MAGI2: variants seen among roughly 807,000 people sequenced by gnomAD.
MAGI2 encodes the protein membrane-associated guanylate kinase, WW and PDZ domain-containing protein 2.
Under a neutral mutation model 133.3 loss-of-function variants are expected in MAGI2, and 35 were observed. The observed-to-expected ratio is 0.26, with a 90% CI of 0.20 to 0.35. MAGI2 has a LOEUF of 0.35. Ranked by LOEUF, MAGI2 falls within the 10% of genes least tolerant of loss-of-function variation. The pLI is 1.00. For missense variants in MAGI2, 1,636 were observed against 1,863.4 expected, an observed-to-expected ratio of 0.88 and a Z score of 2.25; for synonymous variants, 729 against 710.6, an observed-to-expected ratio of 1.03 and a Z score of -0.41.
At chr7:79,027,511 A>G (rs111944408) in intron 1 of MAGI2, among the ~76,000 whole-genome samples, 10,056 of 152,090 alleles carry the variant, frequency 0.066, 363 homozygotes, top group Non-Finnish European at 0.081. Flanking sequence ...TACTGAACTC[A>G]TAGAAGCCAA....
chr7:78,172,320 A>G (rs1050514431), intron 14 of MAGI2, among the ~76,000 whole-genome samples: 1 of 152,156 alleles, frequency 6.6e-6, no homozygotes, highest in African/African-American at 2.4e-5. Flanking sequence ...ACTTGCCACT[A>G]TGGCGAGCAG....
rs148242940 is a variant in MAGI2 at position 78,385,671 on chromosome 7, C to T, written c.1046-16458G>A. Among the ~76,000 whole-genome samples the T allele has an allele frequency of 1.1e-3, 169 of 152,212 alleles. 2 individuals carry two copies. Among genetic ancestry groups the T allele is most frequent in the African/African-American group, 3.6e-3 (149 of 41,528 alleles). On this transcript the variant is annotated intron_variant, in intron 6 of 21. Transcript: ENST00000354212. The stretch of plus-strand genomic sequence containing the variant: ...CCTCTCTAGATTATTTTGGATAATC[C>T]AGGTGGAGATACTGAAATCACAATT...
intron 1 of MAGI2, among the ~76,000 whole-genome samples, chr7:79,359,944 G>T (rs181571912): frequency 9.5e-4 from 144 of 152,198 alleles, no homozygotes; most frequent in African/African-American, 3.3e-3. Context: ...AAATCTGACT[G>T]ATTTTCAAAG....
In MAGI2 at chr7:79,352,947, G is replaced by C. The variant is rs1054571595; in HGVS notation, c.301+100073C>G. ...TCCAGTATGCCAGGATTAGTATTTA[G>C]TATGCCAAGTGCCTTTACGTACTTT... On this transcript the variant is annotated intron_variant, in intron 1 of 21. Transcript: ENST00000354212. Among the ~76,000 whole-genome samples the C allele has an allele frequency of 5.9e-5, 9 of 152,118 alleles. No individual in the cohort carries two copies. In the East Asian group the frequency reaches 1.7e-3, roughly 30 times the overall value.
chr7:78,722,373 T>C (rs1389035510), intron 2 of MAGI2, among the ~76,000 whole-genome samples: 2 of 152,008 alleles, frequency 1.3e-5, no homozygotes, highest in Non-Finnish European at 2.9e-5. Context: ...TATTTCTGCA[T>C]GGGAACATGT....
chr7:78,969,234 G>A (rs1188992142), intron 2 of MAGI2, among the ~76,000 whole-genome samples: 3 of 151,942 alleles, frequency 2.0e-5, no homozygotes, highest in African/African-American at 7.3e-5. Context: ...GTCTTTTCTC[G>A]AGCTGTGTAA....
chr7:78,163,624 C>T (rs1825314847), intron 15 of MAGI2, among the ~76,000 whole-genome samples: 1 of 152,150 alleles, frequency 6.6e-6, no homozygotes, highest in East Asian at 1.9e-4. Flanking sequence ...ACAGTGCTGG[C>T]CTATATTTCA....
chr7:78,844,268 T>G (rs1052400395), intron 2 of MAGI2, among the ~76,000 whole-genome samples: 9 of 151,630 alleles, frequency 5.9e-5, no homozygotes, highest in African/African-American at 2.2e-4. Context: ...CACTTAAAAT[T>G]AGTGTACGAG....
intron 6 of MAGI2, among the ~76,000 whole-genome samples, chr7:78,437,557 G>A (rs981044830): frequency 6.6e-6 from 1 of 152,118 alleles, no homozygotes. Context: ...TTCAGCCTCT[G>A]TGCCCTCATC....
chr7:78,403,039 T>G (rs967374577), intron 6 of MAGI2, among the ~76,000 whole-genome samples: 3 of 152,220 alleles, frequency 2.0e-5, no homozygotes, highest in African/African-American at 7.2e-5. Flanking sequence ...CTGGGATACA[T>G]GTGCACAACG....
intron 2 of MAGI2, among the ~76,000 whole-genome samples, chr7:78,930,679 C>T (rs1353535485): frequency 1.1e-4 from 17 of 152,080 alleles, no homozygotes. Context: ...ATTTGGTATA[C>T]TATCCATTAC....
Position 79,252,151 on chromosome 7 carries a change from T to C in MAGI2, c.301+200869A>G, listed in dbSNP as rs796751779. 4.3e-4 allele frequency among the ~76,000 whole-genome samples: 31 copies of C among 72,466 alleles called. 1 individual carries two copies. The highest frequency in any genetic ancestry group is 1.7e-3 in the African/African-American group (29 of 16,918). The allele number at this position is 72,466 out of a possible 152,430, so 47.5% of individuals were successfully genotyped here. A position where few individuals can be genotyped will look rare whatever the true frequency, so the allele number is the denominator to read the frequency against. On this transcript the variant is annotated intron_variant, in intron 1 of 21. Transcript: ENST00000354212. The stretch of plus-strand genomic sequence containing the variant: ...CAGCCTGTGGGTCAGAATGAGACCC[T>C]GTCTCAAAAAAAAAAAAAAAAAAAA...
At position 78,402,377 on chromosome 7, in the gene MAGI2, GGTGT is replaced by G. The variant is rs756042467; in HGVS notation, c.1046-33168_1046-33165del. ...GGGGCGTATGTGTGTATCCACCTGG[GGTGT>G]GTGTGTGTGTGTGTCCACCTGGGGC... On this transcript the variant is annotated intron_variant, in intron 6 of 21. Coordinates refer to ENST00000354212, the MANE Select transcript of MAGI2 (RefSeq NM_012301.4). Among the ~76,000 whole-genome samples the G allele has an allele frequency of 1.0e-4, 15 of 149,392 alleles. No homozygotes were observed. The East Asian group carries it at 1.4e-3, about 14-fold the overall frequency.
chr7:79,061,478 G>A (rs12705965), intron 1 of MAGI2, among the ~76,000 whole-genome samples: 108,556 of 151,776 alleles, frequency 0.72, 41,188 homozygotes, highest in Non-Finnish European at 0.85. Flanking sequence ...TTAGGATAGC[G>A]TGCACAGGCC....
chr7:78,551,423 A>T (rs1289609371), intron 3 of MAGI2, among the ~76,000 whole-genome samples: 1 of 152,196 alleles, frequency 6.6e-6, no homozygotes, highest in African/African-American at 2.4e-5. Flanking sequence ...CACAAGATTT[A>T]TTGTCAAGCC....
intron 1 of MAGI2, among the ~76,000 whole-genome samples, chr7:79,403,813 A>G (rs1346382016): frequency 9.2e-5 from 14 of 152,198 alleles, no homozygotes; most frequent in Admixed American, 9.2e-4. Flanking sequence ...ATAAGTCAAC[A>G]TTAAATCCGA....
At chr7:79,058,963 T>C (rs1209501509) in intron 1 of MAGI2, among the ~76,000 whole-genome samples, 3 of 152,102 alleles carry the variant, frequency 2.0e-5, no homozygotes, top group Admixed American at 1.3e-4. Context: ...AAATAAGTTG[T>C]ATAAAGCTTA....
At chr7:78,970,158 TC>T (rs1420184168) in intron 2 of MAGI2, among the ~76,000 whole-genome samples, 1 of 152,102 alleles carries the variant, frequency 6.6e-6, no homozygotes, top group Non-Finnish European at 1.5e-5. Flanking sequence ...AGCTTCATAA[TC>T]AACTAGATTA....
intron 2 of MAGI2, among the ~76,000 whole-genome samples, chr7:78,958,480 C>A (rs1013573207): frequency 3.9e-5 from 6 of 152,134 alleles, no homozygotes; most frequent in African/African-American, 1.4e-4. Context: ...TGAGTAATTT[C>A]TTGCCAATCA....
Sources: allele counts gnomAD v4.1 joint callset (sites outside exome capture counted in the v4.1 genomes callset), GRCh38; gene constraint gnomAD v4.1.1; transcripts MANE v1.5; gene names NCBI Gene and HGNC (gene_info 2026-07-23, HGNC 2026-07-21).